MAPK10: variants seen among roughly 807,000 people sequenced by gnomAD.
MAPK10 encodes mitogen-activated protein kinase 10.
A neutral mutation model predicts 59.3 loss-of-function variants in MAPK10; 25 were observed. The observed-to-expected ratio is 0.42, with a 90% CI of 0.31 to 0.59. The LOEUF is 0.59. Ranked by LOEUF, MAPK10 falls within the 20% of genes least tolerant of loss-of-function variation. The probability of loss-of-function intolerance (pLI) is 0.15; values close to 1 mark genes in which losing one functional copy is unlikely to be tolerated. For synonymous variants in MAPK10, 190 were observed against 200.5 expected, an observed-to-expected ratio of 0.95 and a Z score of 0.44; for missense variants, 351 against 568.9, an observed-to-expected ratio of 0.62 and a Z score of 3.90.
intron 2 of MAPK10, among the ~76,000 whole-genome samples, chr4:86,234,870 G>C (rs1381211054): frequency 6.6e-6 from 1 of 152,054 alleles, no homozygotes; most frequent in Non-Finnish European, 1.5e-5. Context: ...TGTAAGGAAA[G>C]TTTTCTGCCA....
chr4:86,470,707 T>C (rs1464264127), intron 1 of MAPK10, among the ~76,000 whole-genome samples: 1 of 152,084 alleles, frequency 6.6e-6, no homozygotes, highest in Non-Finnish European at 1.5e-5. Flanking sequence ...TTCATAACTG[T>C]TTAATACCAA....
At chr4:86,210,367 T>C (rs1405869153) in intron 2 of MAPK10, among the ~76,000 whole-genome samples, 1 of 151,848 alleles carries the variant, frequency 6.6e-6, no homozygotes, top group African/African-American at 2.4e-5. Context: ...ATTTGCAAAC[T>C]ATCTATGTGA....
chr4:86,346,824 G>A (rs1193652397), intron 2 of MAPK10, among the ~76,000 whole-genome samples: 6 of 150,894 alleles, frequency 4.0e-5, no homozygotes, highest in South Asian at 2.1e-4. Context: ...ACTTTTTCAC[G>A]TAGTTTTTGC....
chr4:86,058,725 G>T (rs1018096482), intron 11 of MAPK10, among the ~76,000 whole-genome samples: 1 of 133,134 alleles, frequency 7.5e-6, no homozygotes, highest in African/African-American at 3.1e-5. Context: ...ACCCCTTAGG[G>T]TCTCATCTAC....
At chr4:86,134,214 A>T (rs2061491551) in intron 4 of MAPK10, among the ~76,000 whole-genome samples, 1 of 152,214 alleles carries the variant, frequency 6.6e-6, no homozygotes, top group Admixed American at 6.5e-5. Flanking sequence ...ATATTTGAAG[A>T]TATCTTTCAT....
intron 2 of MAPK10, among the ~76,000 whole-genome samples, chr4:86,216,024 G>A (rs80031011): frequency 0.085 from 12,884 of 151,958 alleles, 1,211 homozygotes; most frequent in African/African-American, 0.23. Context: ...TGGTGAAAAT[G>A]AAAATTAGTA....
chr4:86,474,048 T>C (rs1752877514), intron 1 of MAPK10, among the ~76,000 whole-genome samples: 1 of 152,252 alleles, frequency 6.6e-6, no homozygotes, highest in African/African-American at 2.4e-5. Context: ...ATATATGTAC[T>C]TTGTTATTCA....
intron 1 of MAPK10, among the ~76,000 whole-genome samples, chr4:86,563,216 G>A (rs1760810157): frequency 6.6e-6 from 1 of 152,192 alleles, no homozygotes; most frequent in Non-Finnish European, 1.5e-5. Context: ...TAAACTGAAA[G>A]AAGTGGGGCT....
intron 1 of MAPK10, among the ~76,000 whole-genome samples, chr4:86,440,092 A>G (rs1318621143): frequency 6.6e-6 from 1 of 152,248 alleles, no homozygotes; most frequent in East Asian, 1.9e-4. Context: ...TCACCAAAAC[A>G]GCACAGGCAC....
At chr4:86,589,031 TG>T (rs1762833918) in intron 1 of MAPK10, among the ~76,000 whole-genome samples, 1 of 152,062 alleles carries the variant, frequency 6.6e-6, no homozygotes, top group Admixed American at 6.6e-5. Flanking sequence ...GGTAAAGATG[TG>T]GGGACAAAGG....
At chr4:86,240,040 A>T (rs1156559566) in intron 2 of MAPK10, among the ~76,000 whole-genome samples, 8 of 152,118 alleles carry the variant, frequency 5.3e-5, no homozygotes, top group Admixed American at 6.5e-5. Flanking sequence ...AGACTCTGGT[A>T]TGTTGTCTCT....
At chr4:86,404,107 G>C (rs937702041) in intron 1 of MAPK10, among the ~76,000 whole-genome samples, 4 of 152,128 alleles carry the variant, frequency 2.6e-5, no homozygotes, top group African/African-American at 9.7e-5. Flanking sequence ...GAACTCCCCA[G>C]ATTAGAGCCT....
chr4:86,211,663 T>TA (rs563524892), intron 2 of MAPK10, among the ~76,000 whole-genome samples: 435 of 152,240 alleles, frequency 2.9e-3, no homozygotes, highest in Non-Finnish European at 4.7e-3. Flanking sequence ...TAGATAATTA[T>TA]AAAAGTTAGT....
At chr4:86,246,429 TCAA>T (rs1207857503) in intron 2 of MAPK10, among the ~76,000 whole-genome samples, 1 of 152,104 alleles carries the variant, frequency 6.6e-6, no homozygotes, top group Admixed American at 6.5e-5. Context: ...AGACTCCATC[TCAA>T]CAACAACAGC....
intron 1 of MAPK10, among the ~76,000 whole-genome samples, chr4:86,405,481 C>G (rs2149021517): frequency 6.6e-6 from 1 of 152,272 alleles, no homozygotes; most frequent in Non-Finnish European, 1.5e-5. Flanking sequence ...TTTGAAAACT[C>G]AAAGTCCCAG....
chr4:86,073,521 G>C (rs2048503338), intron 9 of MAPK10, among the ~76,000 whole-genome samples: 1 of 121,388 alleles, frequency 8.2e-6, no homozygotes. Context: ...GCTTTCTCTT[G>C]TGGGCATTTA....
At chr4:86,571,149 A>G (rs1262469419) in intron 1 of MAPK10, among the ~76,000 whole-genome samples, 1 of 148,602 alleles carries the variant, frequency 6.7e-6, no homozygotes, top group East Asian at 2.0e-4. Context: ...TTAAAGTTGT[A>G]TTGTTTTATA....
intron 2 of MAPK10, among the ~76,000 whole-genome samples, chr4:86,239,731 T>C (rs2092577930): frequency 6.6e-6 from 1 of 152,078 alleles, no homozygotes. Context: ...TATTTGATTT[T>C]TCTCTCTCTT....
At chr4:86,178,206 A>G (rs1036982857) in intron 3 of MAPK10, among the ~76,000 whole-genome samples, 6 of 152,030 alleles carry the variant, frequency 3.9e-5, no homozygotes, top group African/African-American at 1.2e-4. Flanking sequence ...CTTTGCATTT[A>G]ATCATAGTTT....
Sources: gnomAD v4.1 joint callset for allele counts (sites outside exome capture counted in the v4.1 genomes callset) on GRCh38, gnomAD v4.1.1 for gene constraint, MANE v1.5 for transcripts, NCBI Gene and HGNC (gene_info 2026-07-23, HGNC 2026-07-21) for gene names.